The following ZNF836 variants were observed in gnomAD, a reference collection of about 807,000 sequenced individuals.
ZNF836 encodes zinc finger protein 836.
In ZNF836, 12 loss-of-function variants were observed where a neutral mutation model predicts 7.4. The ratio of observed to expected loss-of-function variants is 1.61; its 90% CI spans 1.03 to 2.61. The LOEUF is 2.61. ZNF836 is among the 30% of genes most tolerant of loss of function. ZNF836 has a pLI of 0.00. For missense variants in ZNF836, 998 were observed against 1,126.2 expected, an observed-to-expected ratio of 0.89 and a Z score of 1.63; for synonymous variants, 365 against 382.6, an observed-to-expected ratio of 0.95 and a Z score of 0.54.
chr19:52,159,796 T>C (rs921259106), intron 4 of ZNF836, among the ~76,000 whole-genome samples: 2 of 152,100 alleles, frequency 1.3e-5, no homozygotes, highest in Admixed American at 6.6e-5. Context: ...GGCAAAGAGT[T>C]ATAAGCATGG....
chr19:52,155,423 C>G lies in ZNF836; in HGVS notation c.2260G>C (p.Glu754Gln). 6.2e-7 allele frequency: 1 copy of G among 1,614,176 alleles called. No homozygotes were observed. Among genetic ancestry groups the G allele is most frequent in the Admixed American group, 1.7e-5 (1 of 60,026 alleles). ...GTGGAATTAAAGACCTGGCCACATTCAATACATTTGTATGGCATCTCTCCA... is the reference window on the plus strand; with the variant it reads ...GTGGAATTAAAGACCTGGCCACATTGAATACATTTGTATGGCATCTCTCCA... ...HTGEMPYKCI[E>Q]CGQVFNSTSN... Residue 754 changes from glutamate (E) to glutamine (Q), a missense_variant, in exon 5 of 5, where the codon GAA (glutamate) becomes CAA (glutamine). Transcript: ENST00000682614.
At chr19:52,158,896 G>A (rs1393765192) in intron 4 of ZNF836, among the ~76,000 whole-genome samples, 3 of 152,176 alleles carry the variant, frequency 2.0e-5, no homozygotes, top group Non-Finnish European at 4.4e-5. Context: ...ACTTGGAGGT[G>A]TGAACTTTGG....
Position 52,155,875 on chromosome 19 carries a change from A to G in ZNF836, c.1808T>C (p.Ile603Thr). The G allele has an allele frequency of 6.2e-7, 1 of 1,613,936 alleles. No individual in the cohort carries two copies. Among genetic ancestry groups the G allele is most frequent in the Non-Finnish European group, 8.5e-7 (1 of 1,179,900 alleles). ...TTTGTAAGGTTTCTGCCCAGTATGA[A>G]TTCTTAGATGACGTGCTAGGCATGA... Reference protein sequence around the residue: ...NYSCLARHLRIHTGQKPYKCN... With the variant: ...NYSCLARHLRTHTGQKPYKCN... Residue 603 changes from isoleucine to threonine, a missense_variant, in exon 5 of 5, where the codon ATT becomes ACT. By Grantham distance (89) the Ile-to-Thr change is moderately conservative (BLOSUM62 -1). Transcript: ENST00000682614.
intron 3 of ZNF836, among the ~76,000 whole-genome samples, chr19:52,166,808 T>C (rs1434722313): frequency 1.3e-5 from 2 of 151,616 alleles, no homozygotes; most frequent in African/African-American, 2.4e-5. Context: ...CTCGATCTCC[T>C]GACCTCGTGA....
chr19:52,161,665 A>C lies in ZNF836; in HGVS notation c.16-1074T>G, dbSNP rs1331951378. The stretch of plus-strand genomic sequence containing the variant: ...AATTGTGGAGGAGAAAAAAAAAAAA[A>C]ACTCAGACTGTAACATTCCACCCCT... On this transcript the variant is annotated intron_variant, in intron 3 of 4. Transcript: ENST00000682614. The surrounding 1 kb of genome is among the most constrained non-coding windows in gnomAD (Gnocchi z 4.1). Among the ~76,000 whole-genome samples, 3 of 152,080 alleles carry C rather than the reference A, an allele frequency of 2.0e-5. No homozygotes were observed. The highest frequency in any genetic ancestry group is 4.4e-5 in the Non-Finnish European group (3 of 68,022).
Position 52,157,385 on chromosome 19 carries a change from A to T in ZNF836, c.298T>A (p.Phe100Ile), listed in dbSNP as rs780206936. The change falls in exon 5 of 5, where the codon TTT becomes ATT. Residue 100 changes from phenylalanine to isoleucine, a missense_variant. Transcript: ENST00000682614. ...TTTATTTCACCATCTTTCCATTGAA[A>T]CTCAAGGTCCTGTAGATTTTTCTGG... The part of the protein sequence containing the change: ...EIQKNLQDLE[F>I]QWKDGEINYK... 1.9e-6 allele frequency: 3 copies of T among 1,608,198 alleles called. No individual in the cohort carries two copies. The highest frequency in any genetic ancestry group is 2.5e-6 in the Non-Finnish European group (3 of 1,178,630).
At position 52,156,045 on chromosome 19, in the gene ZNF836, T is replaced by A. The variant is rs1232067667; in HGVS notation, c.1638A>T (p.Arg546Ser). ...SENSCLVRHL[R>S]IHTGEQPYKC... ...TGTAAGGTTGCTCCCCAGTATGAAT[T>A]CTTAAATGTCTTACAAGGCATGAAT... Residue 546 changes from arginine to serine, a missense_variant, in exon 5 of 5, where the codon AGA becomes AGT. Transcript: ENST00000682614. 1.2e-6 allele frequency: 2 copies of A among 1,614,068 alleles called. No homozygotes were observed. The highest frequency in any genetic ancestry group is 4.5e-5 in the East Asian group (2 of 44,884).
chr19:52,157,968 G>C (rs1033570158), intron 4 of ZNF836, among the ~76,000 whole-genome samples: 1 of 151,760 alleles, frequency 6.6e-6, no homozygotes. Context: ...TAAAAGTAAC[G>C]TTTATACTAG....
At position 52,168,120 on chromosome 19, in the gene ZNF836, C is replaced by T; in HGVS notation, c.-48G>A. 3 of 1,599,696 alleles carry T rather than the reference C, an allele frequency of 1.9e-6. No homozygotes were observed. Among genetic ancestry groups the T allele is most frequent in the Non-Finnish European group, 8.5e-7 (1 of 1,175,684 alleles). ...TTCTTCCTCTTCTGGGCTTCTCTCT[C>T]AGTCAATATAATTAATTCTTTACAA... On this transcript the variant is annotated 5_prime_UTR_variant, in exon 3 of 5. Transcript: ENST00000682614.
intron 4 of ZNF836, among the ~76,000 whole-genome samples, chr19:52,158,961 A>T (rs972092643): frequency 6.6e-6 from 1 of 152,214 alleles, no homozygotes; most frequent in African/African-American, 2.4e-5. Flanking sequence ...TAGGAATTTG[A>T]GTAGATGTGA....
At position 52,161,652 on chromosome 19, in the gene ZNF836, G is replaced by GA. The variant is rs35116958; in HGVS notation, c.16-1062dup. Among the ~76,000 whole-genome samples the GA allele has an allele frequency of 1.2e-3, 170 of 140,118 alleles. No homozygotes were observed. The highest frequency in any genetic ancestry group is 1.3e-3 in the Non-Finnish European group (81 of 62,998). The allele number at this position is 140,118 out of a possible 152,430, so 91.9% of individuals were successfully genotyped here. ...AAGTTTCAACATGAATTGTGGAGGA[G>GA]AAAAAAAAAAAAAACTCAGACTGTA... is the stretch of plus-strand genomic sequence containing the variant. On this transcript the variant is annotated intron_variant, in intron 3 of 4. Transcript: ENST00000682614. The surrounding 1 kb of genome is among the most constrained non-coding windows in gnomAD (Gnocchi z 4.1).
Position 52,156,913 on chromosome 19 carries a change from C to G in ZNF836, c.770G>C (p.Arg257Pro). 1 of 1,613,906 alleles carries G rather than the reference C, an allele frequency of 6.2e-7. No homozygotes were observed. The highest frequency in any genetic ancestry group is 8.5e-7 in the Non-Finnish European group (1 of 1,179,962). The change falls in exon 5 of 5, where the codon CGG becomes CCG. Residue 257 changes from arginine (R) to proline (P), a missense_variant. Arg to Pro is a moderately radical substitution (Grantham distance 103). Transcript: ENST00000682614. ...KCNECGKAFH[R>P]GSLLTIHQIV... ...CTGATGTATAGTTAGTAGTGAGCCC[C>G]GATGAAAGGCTTTGCCACATTCATT...
At chr19:52,170,217 C>CTGCCCGA (rs2089297327) in intron 1 of ZNF836, 1 of 152,104 alleles carries the variant, frequency 6.6e-6, no homozygotes, top group Non-Finnish European at 1.5e-5. Flanking sequence ...TATGTCTGTT[C>CTGCCCGA]TGCCCGATGC....
chr19:52,163,216 AC>A (rs1341235402), intron 3 of ZNF836, among the ~76,000 whole-genome samples: 1 of 152,184 alleles, frequency 6.6e-6, no homozygotes, highest in African/African-American at 2.4e-5. Context: ...GTCCTGGCTT[AC>A]TTCTATCCAT....
At position 52,165,623 on chromosome 19, in the gene ZNF836, G is replaced by A. The variant is rs531773998; in HGVS notation, c.15+2435C>T. On this transcript the variant is annotated intron_variant, in intron 3 of 4. Coordinates refer to ENST00000682614, the MANE Select transcript of ZNF836 (RefSeq NM_001102657.3). ...ATGGTGGATGATGTGATAGGGAAAGGAACCTGGGTTCCCCCAGGTTGGGCA... is the reference window on the plus strand; with the variant it reads ...ATGGTGGATGATGTGATAGGGAAAGAAACCTGGGTTCCCCCAGGTTGGGCA... Among the ~76,000 whole-genome samples, 12 of 152,256 alleles carry A rather than the reference G, an allele frequency of 7.9e-5. No homozygotes were observed. In the South Asian group the frequency reaches 2.1e-3, roughly 26 times the overall value.
At chr19:52,169,190 T>C (rs1309177833) in intron 2 of ZNF836, among the ~76,000 whole-genome samples, 3 of 152,200 alleles carry the variant, frequency 2.0e-5, no homozygotes, top group African/African-American at 7.2e-5. Context: ...CAAATCTTAT[T>C]TCAGAAGTCA....
Position 52,156,105 on chromosome 19 carries a change from G to T in ZNF836, c.1578C>A (p.Tyr526Ter), listed in dbSNP as rs2089155522. The change falls in exon 5 of 5, where the codon TAC (tyrosine) becomes TAA (stop). Residue 526 changes from tyrosine (Y) to a stop codon, truncating the protein, a stop_gained. Coordinates refer to ENST00000682614, the MANE Select transcript of ZNF836 (RefSeq NM_001102657.3). LOFTEE classifies it low-confidence loss of function (END_TRUNC). ...HKIIHTREKR[Y>*]QCGECGKVFS... ...AGACCTTTCCACATTCACCGCATTG[G>T]TAACGTTTCTCTCTGGTATGAATTA... 6.2e-7 allele frequency: 1 copy of T among 1,613,924 alleles called. No homozygotes were observed. Among genetic ancestry groups the T allele is most frequent in the African/African-American group, 1.3e-5 (1 of 74,910 alleles).
intron 4 of ZNF836, among the ~76,000 whole-genome samples, chr19:52,159,088 T>G (rs1321972662): frequency 6.6e-6 from 1 of 152,094 alleles, no homozygotes; most frequent in Non-Finnish European, 1.5e-5. Flanking sequence ...GGCTCTGACA[T>G]GTGGACTGCT....
Position 52,155,318 on chromosome 19 carries a change from G to A in ZNF836, c.2365C>T (p.His789Tyr). Reference protein sequence around the residue: ...KCNECGKVFRHQSTLARHRSI... With the variant: ...KCNECGKVFRYQSTLARHRSI... ...CGATGACGTGCTAGTGTTGATTGAT[G>A]ACGAAAGACCTTGCCACATTCATTA... is the stretch of plus-strand genomic sequence containing the variant. Residue 789 changes from histidine to tyrosine, a missense_variant, in exon 5 of 5, where the codon CAT becomes TAT. Transcript: ENST00000682614. The A allele has an allele frequency of 6.2e-7, 1 of 1,613,668 alleles. No individual in the cohort carries two copies. The highest frequency in any genetic ancestry group is 8.5e-7 in the Non-Finnish European group (1 of 1,179,912).
Sources: gnomAD v4.1 joint callset for allele counts (sites outside exome capture counted in the v4.1 genomes callset) on GRCh38, gnomAD v4.1.1 for gene constraint, Gnocchi (gnomAD v3.1) non-coding constraint, MANE v1.5 for transcripts, NCBI Gene and HGNC (gene_info 2026-07-23, HGNC 2026-07-21) for gene names.